The following CCDC18 variants were observed in gnomAD, a reference collection of about 807,000 sequenced individuals.
The protein encoded by CCDC18 is coiled-coil domain-containing protein 18.
CCDC18 carries 157 observed loss-of-function variants against 196.0 expected under a neutral mutation model. That is an observed-to-expected ratio of 0.80 (90% CI 0.70 to 0.91). CCDC18 has a LOEUF of 0.91. Ranked by LOEUF, CCDC18 falls within the 40% of genes least tolerant of loss-of-function variation. CCDC18 has a pLI of 0.00. For missense variants in CCDC18, 1,465 were observed against 1,611.6 expected (o/e 0.91, Z 1.56); for synonymous variants, 482 against 529.2 (o/e 0.91, Z 1.22).
chr1:93,190,935 G>T, intron 4 of CCDC18: 1 of 813,226 alleles, frequency 1.2e-6, no homozygotes, highest in Non-Finnish European at 2.1e-6. Context: ...TCTGCTTCCT[G>T]TCATATCGAC....
intron 27 of CCDC18, among the ~76,000 whole-genome samples, chr1:93,269,369 T>C (rs1457179982): frequency 6.6e-6 from 1 of 151,390 alleles, no homozygotes; most frequent in Admixed American, 6.6e-5. Flanking sequence ...GGCACATGTA[T>C]ACATATGTAA....
intron 23 of CCDC18, among the ~76,000 whole-genome samples, chr1:93,251,323 T>C (rs1662225691): frequency 6.6e-6 from 1 of 152,228 alleles, no homozygotes; most frequent in Admixed American, 6.5e-5. Flanking sequence ...GTTGTAATTA[T>C]TATTTTTAAT....
chr1:93,217,059 C>T (rs1414698052), intron 13 of CCDC18, among the ~76,000 whole-genome samples: 3 of 151,436 alleles, frequency 2.0e-5, no homozygotes, highest in South Asian at 4.2e-4. Context: ...CTCAGCCTCC[C>T]GAGTAGCTGG....
intron 24 of CCDC18, 56 bp from the exon 25 acceptor site, chr1:93,256,279 A>T: frequency 6.7e-7 from 1 of 1,486,908 alleles, no homozygotes; most frequent in Non-Finnish European, 9.3e-7. Flanking sequence ...TCAGAATAAG[A>T]AATAGGTTAT....
At chr1:93,203,923 A>G (rs1420179502) in intron 7 of CCDC18, among the ~76,000 whole-genome samples, 2 of 152,186 alleles carry the variant, frequency 1.3e-5, no homozygotes, top group Non-Finnish European at 2.9e-5. Flanking sequence ...CTTTGTAGAG[A>G]GCAACTTATT....
chr1:93,205,027 C>T (rs17386609), intron 7 of CCDC18, among the ~76,000 whole-genome samples: 8,998 of 152,070 alleles, frequency 0.059, 320 homozygotes, highest in South Asian at 0.072. Context: ...GCAAACAATG[C>T]TCAGCAAAGC....
chr1:93,222,743 G>T (rs1657647133), intron 16 of CCDC18, among the ~76,000 whole-genome samples: 1 of 152,124 alleles, frequency 6.6e-6, no homozygotes, highest in African/African-American at 2.4e-5. Context: ...ATGAAACAGG[G>T]TATATAAAGT....
intron 6 of CCDC18, among the ~76,000 whole-genome samples, chr1:93,196,426 A>C (rs768400088): frequency 4.6e-5 from 7 of 152,362 alleles, no homozygotes; most frequent in South Asian, 2.1e-4. Flanking sequence ...ACTTCAGTGC[A>C]ACAAGCATTA....
chr1:93,275,399 G>T (rs117201686), intron 28 of CCDC18, among the ~76,000 whole-genome samples: 1 of 152,100 alleles, frequency 6.6e-6, no homozygotes, highest in Non-Finnish European at 1.5e-5. Context: ...GTGAGCCACC[G>T]CACCTGGCCT....
chr1:93,260,429 C>CTATT (rs1403562874), intron 26 of CCDC18, among the ~76,000 whole-genome samples: 3 of 151,968 alleles, frequency 2.0e-5, no homozygotes, highest in Non-Finnish European at 4.4e-5. Context: ...TTTAATATTA[C>CTATT]TATTTAATAT....
chr1:93,235,114 C>T (rs776547687), intron 18 of CCDC18, among the ~76,000 whole-genome samples: 9 of 151,568 alleles, frequency 5.9e-5, no homozygotes, highest in South Asian at 4.2e-4. Context: ...TGTGAACCAC[C>T]GCACCTGGCA....
At chr1:93,197,263 A>G (rs1652875746) in intron 6 of CCDC18, among the ~76,000 whole-genome samples, 1 of 152,178 alleles carries the variant, frequency 6.6e-6, no homozygotes, top group Non-Finnish European at 1.5e-5. Flanking sequence ...TTCACAATGA[A>G]CAAGAAAATG....
intron 6 of CCDC18, among the ~76,000 whole-genome samples, chr1:93,201,545 GTAATACC>G (rs1653836247): frequency 6.6e-6 from 1 of 151,890 alleles, no homozygotes; most frequent in African/African-American, 2.4e-5. Context: ...GACTGATTCT[GTAATACC>G]TAACCTTTGA....
At chr1:93,184,575 A>G (rs1470074008) in intron 3 of CCDC18, among the ~76,000 whole-genome samples, 3 of 150,412 alleles carry the variant, frequency 2.0e-5, no homozygotes, top group East Asian at 2.0e-4. Flanking sequence ...TATTTTGTCA[A>G]TGATGTTAGA....
At chr1:93,240,301 T>C (rs1370681529) in intron 21 of CCDC18, among the ~76,000 whole-genome samples, 1 of 152,156 alleles carries the variant, frequency 6.6e-6, no homozygotes, top group Admixed American at 6.5e-5. Flanking sequence ...TTTTTAATAG[T>C]TGAGAAACCT....
rs570349369 is a variant in CCDC18 at position 93,269,373 on chromosome 1, T to C, written c.3886-974T>C. Among the ~76,000 whole-genome samples, 14 of 151,168 alleles carry C rather than the reference T, an allele frequency of 9.3e-5. No homozygotes were observed. In the South Asian group the frequency reaches 2.9e-3, roughly 32 times the overall value. ...CACACCAACATGGCACATGTATACA[T>C]ATGTAACAAACCTGCACGTTGAGTA... On this transcript the variant is annotated intron_variant, in intron 27 of 28. Transcript: ENST00000690025.
At chr1:93,204,587 A>G (rs1654399251) in intron 7 of CCDC18, among the ~76,000 whole-genome samples, 1 of 152,180 alleles carries the variant, frequency 6.6e-6, no homozygotes, top group Admixed American at 6.5e-5. Flanking sequence ...TGACAGCTAC[A>G]TGATAAAATA....
At chr1:93,214,711 A>G in intron 11 of CCDC18, 32 bp from the exon 12 acceptor site, 1 of 1,500,038 alleles carries the variant, frequency 6.7e-7, no homozygotes, top group East Asian at 2.3e-5. Context: ...TTGAAGTCCT[A>G]TTCAGAACAA....
intron 18 of CCDC18, among the ~76,000 whole-genome samples, chr1:93,233,948 A>G (rs1276454116): frequency 6.6e-6 from 1 of 151,502 alleles, no homozygotes; most frequent in African/African-American, 2.4e-5. Flanking sequence ...CCTTTTGTTA[A>G]AATTTAGACC....
Sources: gnomAD v4.1 joint callset for allele counts (sites outside exome capture counted in the v4.1 genomes callset) on GRCh38, gnomAD v4.1.1 for gene constraint, MANE v1.5 for transcripts, NCBI Gene and HGNC (gene_info 2026-07-23, HGNC 2026-07-21) for gene names.